Variants in CCDC85C observed in about 807,000 individuals in gnomAD.
CCDC85C encodes the protein coiled-coil domain-containing protein 85C.
In CCDC85C, 18 loss-of-function variants were observed where a neutral mutation model predicts 38.3. The ratio of observed to expected loss-of-function variants is 0.47; its 90% CI spans 0.33 to 0.70. CCDC85C has a LOEUF of 0.70. CCDC85C is among the 30% of genes least tolerant of loss of function. The pLI is 0.03. For synonymous variants in CCDC85C, 264 were observed against 293.8 expected (o/e 0.90, Z 1.04); for missense variants, 566 against 621.2 (o/e 0.91, Z 0.94).
intron 1 of CCDC85C, among the ~76,000 whole-genome samples, chr14:99,567,255 C>T (rs1046973185): frequency 6.6e-6 from 1 of 152,162 alleles, no homozygotes; most frequent in Non-Finnish European, 1.5e-5. Flanking sequence ...CAGCCAGGCA[C>T]GGTCTATACA....
chr14:99,560,941 AG>A (rs1174222458), intron 1 of CCDC85C, among the ~76,000 whole-genome samples: 9 of 152,218 alleles, frequency 5.9e-5, no homozygotes, highest in Admixed American at 5.9e-4. Context: ...CCAGGCCCAC[AG>A]GGAGCCTTGC....
rs1483438231 is a variant in CCDC85C, at chr14:99,603,748, T to C, written c.212A>G (p.Lys71Arg). Residue 71 changes from lysine (K) to arginine (R), a missense_variant, in exon 1 of 6, where the codon AAG becomes AGG. Lys to Arg is a conservative substitution (Grantham distance 26, BLOSUM62 2). Coordinates refer to ENST00000380243, the MANE Select transcript of CCDC85C (RefSeq NM_001144995.2). The surrounding 1 kb of genome is among the most constrained non-coding windows in gnomAD (Gnocchi z 7.5). Reference sequence around the variant, plus strand: ...GTCCTGCAGCCGCTGGTTCACGTCCTTGAGGCCGCGGATCTCCAGCAGGTG... The same window carrying C: ...GTCCTGCAGCCGCTGGTTCACGTCCCTGAGGCCGCGGATCTCCAGCAGGTG... ...QQHLLEIRGLKDVNQRLQDDN... is the reference protein window; with the variant it reads ...QQHLLEIRGLRDVNQRLQDDN... The C allele has an allele frequency of 2.0e-6, 3 of 1,524,020 alleles. No individual in the cohort carries two copies. The East Asian group carries it at 7.6e-5, about 39-fold the overall frequency. 94.4% of individuals were successfully genotyped at this position (1,524,020 alleles called of 1,614,324 possible).
rs578142353 is a variant in CCDC85C at position 99,565,188 on chromosome 14, C to T, written c.794-29100G>A. Among the ~76,000 whole-genome samples the T allele has an allele frequency of 3.2e-4, 49 of 152,292 alleles. No homozygotes were observed. The East Asian group carries it at 8.1e-3, about 25-fold the overall frequency. ...TGGGACTTGGCCCTGTTCTTGGGCT[C>T]GCTGGAGCCCATCCCCCTGCATTAA... On this transcript the variant is annotated intron_variant, in intron 1 of 5. Transcript: ENST00000380243.
Position 99,501,469 on chromosome 14 carries a change from A to G in CCDC85C, c.*13777T>C. The G allele has an allele frequency of 5.1e-6, 6 of 1,167,168 alleles. No homozygotes were observed. The highest frequency in any genetic ancestry group is 7.7e-6 in the Non-Finnish European group (6 of 780,014). 72.3% of individuals were successfully genotyped at this position (1,167,168 alleles called of 1,614,324 possible). The stretch of plus-strand genomic sequence containing the variant: ...GTATTTTAAAATAGGCAGAGACTTT[A>G]TGGACCATTTCATCTAAACCCCTCA... On this transcript the variant is annotated 3_prime_UTR_variant, in exon 6 of 6. Coordinates refer to ENST00000380243, the MANE Select transcript of CCDC85C (RefSeq NM_001144995.2).
chr14:99,590,174 G>C (rs547821284), intron 1 of CCDC85C, among the ~76,000 whole-genome samples: 1 of 152,150 alleles, frequency 6.6e-6, no homozygotes, highest in Non-Finnish European at 1.5e-5. Flanking sequence ...CAGCAAAAGG[G>C]TGGGGAGCAT....
Position 99,502,490 on chromosome 14 carries a change from T to G in CCDC85C, c.*12756A>C. On this transcript the variant is annotated 3_prime_UTR_variant, in exon 6 of 6. Transcript: ENST00000380243. ...CCAGATAGACATATGTGAGCAATAT[T>G]TCAGAAGCATCATTAATTAAATTAT... The G allele has an allele frequency of 7.0e-7, 1 of 1,427,706 alleles. No individual in the cohort carries two copies. Among genetic ancestry groups the G allele is most frequent in the African/African-American group, 1.4e-5 (1 of 69,582 alleles). 88.4% of individuals were successfully genotyped at this position (1,427,706 alleles called of 1,614,324 possible).
chr14:99,581,612 G>A (rs980458532), intron 1 of CCDC85C, among the ~76,000 whole-genome samples: 3 of 152,334 alleles, frequency 2.0e-5, no homozygotes, highest in Admixed American at 1.3e-4. Context: ...GCTCCCCATT[G>A]TCTGCAATTC....
intron 1 of CCDC85C, among the ~76,000 whole-genome samples, chr14:99,547,286 T>C (rs549192496): frequency 7.9e-4 from 120 of 152,154 alleles, no homozygotes; most frequent in Non-Finnish European, 1.4e-3. Context: ...ATACTGTACG[T>C]TTCCATTTAT....
At chr14:99,594,437 C>T (rs1387818083) in intron 1 of CCDC85C, among the ~76,000 whole-genome samples, 1 of 152,202 alleles carries the variant, frequency 6.6e-6, no homozygotes, top group Non-Finnish European at 1.5e-5. Flanking sequence ...GACAGGTCAC[C>T]ATCTCTAGGC....
intron 1 of CCDC85C, among the ~76,000 whole-genome samples, chr14:99,561,133 C>G (rs1420283017): frequency 6.6e-6 from 1 of 152,238 alleles, no homozygotes; most frequent in Non-Finnish European, 1.5e-5. Flanking sequence ...GGGGGGGTGC[C>G]TGCTGCCACA....
intron 1 of CCDC85C, among the ~76,000 whole-genome samples, chr14:99,553,986 G>A (rs1012701837): frequency 1.3e-5 from 2 of 152,168 alleles, no homozygotes; most frequent in Non-Finnish European, 2.9e-5. Context: ...CACTCTGGGA[G>A]AGTGCAGGTT....
intron 1 of CCDC85C, among the ~76,000 whole-genome samples, chr14:99,555,611 G>A (rs924382240): frequency 6.6e-6 from 1 of 152,232 alleles, no homozygotes. Context: ...ATAGCTCACT[G>A]AGGGAAAGGG....
At position 99,510,317 on chromosome 14, in the gene CCDC85C, C is replaced by T. The variant is rs1566755207; in HGVS notation, c.*4929G>A. On this transcript the variant is annotated 3_prime_UTR_variant, in exon 6 of 6. Coordinates refer to ENST00000380243, the MANE Select transcript of CCDC85C (RefSeq NM_001144995.2). ...ACCGGCCCCCGCCCCCACCCCCCTC[C>T]AGCTACATGACCGGGATGTCCACCA... The T allele has an allele frequency of 1.3e-6, 2 of 1,574,168 alleles. No individual in the cohort carries two copies. The highest frequency in any genetic ancestry group is 1.7e-6 in the Non-Finnish European group (2 of 1,153,144).
At chr14:99,593,182 G>A (rs549799689) in intron 1 of CCDC85C, among the ~76,000 whole-genome samples, 7 of 152,324 alleles carry the variant, frequency 4.6e-5, no homozygotes, top group Non-Finnish European at 1.0e-4. Context: ...CCCTTGTGGC[G>A]GGCGGGGGAG....
intron 1 of CCDC85C, among the ~76,000 whole-genome samples, chr14:99,546,737 G>A (rs927383056): frequency 3.9e-5 from 6 of 152,084 alleles, no homozygotes; most frequent in East Asian, 3.9e-4. Flanking sequence ...CCACGGTGCC[G>A]GCGGGGAAAG....
rs190709600 is a variant in CCDC85C at position 99,558,882 on chromosome 14, G to A, written c.794-22794C>T. ...AGGTGGGGCCTGGAGGGAGGTGACC[G>A]GATCATCCGGGTGGTTTCTGATGGT... On this transcript the variant is annotated intron_variant, in intron 1 of 5. Transcript: ENST00000380243. The surrounding 1 kb of genome is among the most constrained non-coding windows in gnomAD (Gnocchi z 4.2). 5.3e-5 allele frequency among the ~76,000 whole-genome samples: 8 copies of A among 152,258 alleles called. No individual in the cohort carries two copies. The East Asian group carries it at 7.7e-4, about 15-fold the overall frequency.
At chr14:99,556,910 G>GTAAAAA (rs1898021592) in intron 1 of CCDC85C, among the ~76,000 whole-genome samples, 1 of 145,884 alleles carries the variant, frequency 6.9e-6, no homozygotes, top group Non-Finnish European at 1.5e-5. Context: ...AAATACTTCA[G>GTAAAAA]AAAAAAAAAA....
chr14:99,602,907 T>C (rs1009514697), intron 1 of CCDC85C, among the ~76,000 whole-genome samples: 5 of 152,062 alleles, frequency 3.3e-5, no homozygotes, highest in East Asian at 1.9e-4. Flanking sequence ...CTACACCCGC[T>C]AGAAACTTTT....
chr14:99,503,551 A>T lies in CCDC85C; in HGVS notation c.*11695T>A, dbSNP rs1187811769. ...GATTCTGGTGGTACCTGGATAATCC[A>T]TTTTTTTCTCATCATACTCAGGATC... is the stretch of plus-strand genomic sequence containing the variant. On this transcript the variant is annotated 3_prime_UTR_variant, in exon 6 of 6. Transcript: ENST00000380243. 1 of 1,452,002 alleles carries T rather than the reference A, an allele frequency of 6.9e-7. No homozygotes were observed. The highest frequency in any genetic ancestry group is 1.4e-5 in the African/African-American group (1 of 70,398). The allele number at this position is 1,452,002 out of a possible 1,614,324, so 89.9% of individuals were successfully genotyped here.
Sources: gnomAD v4.1 joint callset for allele counts (sites outside exome capture counted in the v4.1 genomes callset) on GRCh38, gnomAD v4.1.1 for gene constraint, Gnocchi (gnomAD v3.1) non-coding constraint, MANE v1.5 for transcripts, NCBI Gene and HGNC (gene_info 2026-07-23, HGNC 2026-07-21) for gene names.